The following CEP128 variants were observed in gnomAD, a reference collection of about 807,000 sequenced individuals.
The protein encoded by CEP128 is centrosomal protein 128.
Under a neutral mutation model 156.7 loss-of-function variants are expected in CEP128, and 132 were observed. That is an observed-to-expected ratio of 0.84 (90% CI 0.73 to 0.97). The LOEUF is 0.97. Among genes scored for constraint, CEP128 ranks in the 50% least tolerant of loss-of-function variants. The probability of loss-of-function intolerance (pLI) is 0.00; values close to 1 mark genes in which losing one functional copy is unlikely to be tolerated. For synonymous variants in CEP128, 469 were observed against 448.9 expected (o/e 1.04, Z -0.57); for missense variants, 1,252 against 1,281.9 (o/e 0.98, Z 0.36).
intron 19 of CEP128, among the ~76,000 whole-genome samples, chr14:80,670,595 T>C (rs1410565294): frequency 6.6e-6 from 1 of 152,066 alleles, no homozygotes; most frequent in African/African-American, 2.4e-5. Flanking sequence ...CACATGGACA[T>C]AGAGTGTGGA....
At chr14:80,620,491 G>GA (rs1337779294) in intron 19 of CEP128, among the ~76,000 whole-genome samples, 1 of 152,098 alleles carries the variant, frequency 6.6e-6, no homozygotes. Flanking sequence ...AAATAAAAAA[G>GA]AAAAGATAAG....
At chr14:80,489,258 T>C (rs902619382), downstream of CEP128, among the ~76,000 whole-genome samples, 3 of 125,366 alleles carry the variant, frequency 2.4e-5, no homozygotes, top group Admixed American at 9.6e-5. Flanking sequence ...GGTTAAATAT[T>C]GTAAAAGCTA....
At chr14:80,862,942 T>G in intron 8 of CEP128, 69 bp from the exon 9 acceptor site, 2 of 1,101,298 alleles carry the variant, frequency 1.8e-6, no homozygotes, top group Admixed American at 1.7e-5. Flanking sequence ...ATTGAGAAGA[T>G]AGTTTTATAG....
At chr14:80,566,001 A>T (rs953726790) in intron 20 of CEP128, among the ~76,000 whole-genome samples, 2 of 152,240 alleles carry the variant, frequency 1.3e-5, no homozygotes, top group Non-Finnish European at 1.5e-5. Flanking sequence ...TATCTTTTCC[A>T]CATCTTAGAA....
At chr14:80,870,039 A>G (rs1410823012) in intron 8 of CEP128, among the ~76,000 whole-genome samples, 1 of 152,070 alleles carries the variant, frequency 6.6e-6, no homozygotes, top group African/African-American at 2.4e-5. Flanking sequence ...ACTTACCAAG[A>G]CTGAGTCACA....
intron 13 of CEP128, among the ~76,000 whole-genome samples, chr14:80,827,271 T>C (rs921304887): frequency 3.3e-5 from 5 of 152,222 alleles, no homozygotes; most frequent in African/African-American, 7.2e-5. Flanking sequence ...TATTATTTCA[T>C]TCAACAAATA....
At chr14:80,481,340 G>A (rs1020817646) in intron 14 of CEP128, among the ~76,000 whole-genome samples, 1 of 152,174 alleles carries the variant, frequency 6.6e-6, no homozygotes, top group Non-Finnish European at 1.5e-5. Flanking sequence ...AGGCTTATTC[G>A]CTATCAGAAG....
At position 80,785,305 on chromosome 14, in the gene CEP128, T is replaced by C; in HGVS notation, c.1801A>G (p.Ile601Val). The C allele has an allele frequency of 6.2e-7, 1 of 1,614,178 alleles. No individual in the cohort carries two copies. The highest frequency in any genetic ancestry group is 8.5e-7 in the Non-Finnish European group (1 of 1,180,026). The change falls in exon 15 of 25, where the codon ATC (isoleucine) becomes GTC (valine). Residue 601 changes from isoleucine to valine, a missense_variant. Ile to Val is a conservative substitution (Grantham distance 29). Coordinates refer to ENST00000555265, the MANE Select transcript of CEP128 (RefSeq NM_152446.5). ...LESELKKQSK[I>V]QSQMKVEKAH... ...TTCTCAACTTTCATCTGGCTTTGGA[T>C]CTTACTCTGCTTTTTCAATTCGCTC...
In CEP128 at chr14:80,767,736, A is replaced by T. The variant is rs1900309516; in HGVS notation, c.2377-6123T>A. Among the ~76,000 whole-genome samples the T allele has an allele frequency of 3.3e-5, 5 of 152,202 alleles. No homozygotes were observed. The South Asian group carries it at 1.0e-3, about 31-fold the overall frequency. On this transcript the variant is annotated intron_variant, in intron 16 of 24. Coordinates refer to ENST00000555265, the MANE Select transcript of CEP128 (RefSeq NM_152446.5). ...AAGAAGTTATGATTAATAGTGCATT[A>T]AGAGCATGTGAGAGCCTTAGTAAAA...
At chr14:80,859,288 A>G (rs1208515951) in intron 9 of CEP128, among the ~76,000 whole-genome samples, 2 of 149,096 alleles carry the variant, frequency 1.3e-5, no homozygotes, top group Non-Finnish European at 3.0e-5. Flanking sequence ...TCAGTAAACT[A>G]TCGCAAGAAC....
Position 80,799,927 on chromosome 14 carries a change from T to C in CEP128, c.1210-6817A>G, listed in dbSNP as rs184072834. Among the ~76,000 whole-genome samples, 909 of 152,300 alleles carry C rather than the reference T, an allele frequency of 6.0e-3. 18 individuals carry two copies. Among genetic ancestry groups the C allele is most frequent in the Admixed American group, 0.039 (598 of 15,280 alleles). ...CCCTGTGATCTTTGTTGGACCCTTA[T>C]CAGTGGTTCTGCTTTTTCCCTTTGT... On this transcript the variant is annotated intron_variant, in intron 13 of 24. Coordinates refer to ENST00000555265, the MANE Select transcript of CEP128 (RefSeq NM_152446.5).
At chr14:80,941,814 C>T (rs561125189), upstream of CEP128, 1 of 152,776 alleles carries the variant, frequency 6.5e-6, no homozygotes, top group East Asian at 1.9e-4. Context: ...TCCATCTCGG[C>T]CTCATGATCA....
chr14:80,753,570 C>T (rs1283472160), intron 18 of CEP128, among the ~76,000 whole-genome samples: 1 of 152,162 alleles, frequency 6.6e-6, no homozygotes, highest in African/African-American at 2.4e-5. Flanking sequence ...AGAGTGCTGG[C>T]CTGCGCTAGA....
At chr14:80,490,923 G>A (rs1010613375) in intron 6 of CEP128, among the ~76,000 whole-genome samples, 5 of 152,166 alleles carry the variant, frequency 3.3e-5, no homozygotes, top group South Asian at 2.1e-4. Flanking sequence ...AACACAGATC[G>A]TTGGCGCCAT....
intron 13 of CEP128, among the ~76,000 whole-genome samples, chr14:80,822,038 C>T (rs530284175): frequency 3.3e-5 from 5 of 152,088 alleles, no homozygotes; most frequent in Non-Finnish European, 7.4e-5. Flanking sequence ...GAAAGACCTG[C>T]CCCCGTGATT....
At chr14:80,543,644 A>G (rs1889860970) in intron 21 of CEP128, among the ~76,000 whole-genome samples, 1 of 152,222 alleles carries the variant, frequency 6.6e-6, no homozygotes, top group Admixed American at 6.5e-5. Context: ...TGGTGAACAC[A>G]TTCATCTAAG....
intron 19 of CEP128, among the ~76,000 whole-genome samples, chr14:80,655,488 C>T (rs2140871279): frequency 6.6e-6 from 1 of 152,230 alleles, no homozygotes; most frequent in Non-Finnish European, 1.5e-5. Flanking sequence ...TATAATTCTC[C>T]TACTCTCTTC....
chr14:80,766,418 A>G (rs1369506989), intron 16 of CEP128, among the ~76,000 whole-genome samples: 1 of 152,200 alleles, frequency 6.6e-6, no homozygotes, highest in Non-Finnish European at 1.5e-5. Flanking sequence ...TTATAGATTT[A>G]TGTTTCAGCA....
At chr14:80,562,827 AT>A (rs571481240) in intron 20 of CEP128, among the ~76,000 whole-genome samples, 11 of 148,374 alleles carry the variant, frequency 7.4e-5, no homozygotes, top group Non-Finnish European at 1.0e-4. Flanking sequence ...CACCCAGCTA[AT>A]TTTTTTTTTA....
Sources: allele counts gnomAD v4.1 joint callset (sites outside exome capture counted in the v4.1 genomes callset), GRCh38; gene constraint gnomAD v4.1.1; transcripts MANE v1.5; gene names NCBI Gene and HGNC (gene_info 2026-07-23, HGNC 2026-07-21).